The following NRXN1 variants were observed in gnomAD, a reference collection of about 807,000 sequenced individuals.
NRXN1 encodes the protein neurexin 1.
Under a neutral mutation model 150.9 loss-of-function variants are expected in NRXN1, and 39 were observed. That is an observed-to-expected ratio of 0.26 (90% CI 0.20 to 0.34). The LOEUF is 0.34. Ranked by LOEUF, NRXN1 falls within the 10% of genes least tolerant of loss-of-function variation. The pLI is 1.00. For missense variants in NRXN1, 1,815 were observed against 1,949.9 expected (o/e 0.93, Z 1.30); for synonymous variants, 924 against 757.0 (o/e 1.22, Z -3.62).
chr2:50,681,275 T>C (rs576819198), intron 5 of NRXN1, among the ~76,000 whole-genome samples: 1 of 152,318 alleles, frequency 6.6e-6, no homozygotes, highest in South Asian at 2.1e-4. Flanking sequence ...TTTCCAATGT[T>C]TAAGAAGCAC....
rs541094586 is a variant in NRXN1 at position 50,937,873 on chromosome 2, C to A, written c.773-11918G>T. ...GAAATGCATTGTTAGGTGATTTCAT[C>A]CTTGTGCAAGCATAATAGGGTGTAC... On this transcript the variant is annotated intron_variant, in intron 2 of 22. Transcript: ENST00000401669. Among the ~76,000 whole-genome samples the A allele has an allele frequency of 1.4e-4, 22 of 152,196 alleles. 1 individual carries two copies. The South Asian group carries it at 4.6e-3, about 32-fold the overall frequency.
intron 18 of NRXN1, among the ~76,000 whole-genome samples, chr2:50,214,717 T>C (rs865840290): frequency 2.0e-5 from 3 of 151,988 alleles, no homozygotes; most frequent in African/African-American, 7.2e-5. Context: ...TCATAACATA[T>C]CCTACATTTT....
chr2:50,781,690 C>T (rs560406010), intron 5 of NRXN1, among the ~76,000 whole-genome samples: 1 of 152,178 alleles, frequency 6.6e-6, no homozygotes, highest in African/African-American at 2.4e-5. Context: ...AAGCAATTCT[C>T]TACAGAATCT....
chr2:50,114,330 A>G (rs1410096424), intron 18 of NRXN1, among the ~76,000 whole-genome samples: 1 of 152,192 alleles, frequency 6.6e-6, no homozygotes, highest in Non-Finnish European at 1.5e-5. Flanking sequence ...ACCTAGTAGA[A>G]TGGCCAAAAC....
chr2:50,637,876 A>T (rs922567442), intron 5 of NRXN1, among the ~76,000 whole-genome samples: 1 of 137,266 alleles, frequency 7.3e-6, no homozygotes, highest in African/African-American at 3.4e-5. Context: ...TCTAGTATTT[A>T]AAAAAAAAAA....
chr2:49,935,696 C>T (rs1260993009), intron 22 of NRXN1, among the ~76,000 whole-genome samples: 1 of 152,172 alleles, frequency 6.6e-6, no homozygotes, highest in Non-Finnish European at 1.5e-5. Context: ...TCAGAATATG[C>T]TTGCTGGCTT....
intron 5 of NRXN1, among the ~76,000 whole-genome samples, chr2:50,780,374 T>C (rs1704210597): frequency 6.6e-6 from 1 of 152,186 alleles, no homozygotes; most frequent in African/African-American, 2.4e-5. Flanking sequence ...AAATACAACA[T>C]AAAATTTACA....
chr2:50,890,995 G>T (rs183861465), intron 5 of NRXN1, among the ~76,000 whole-genome samples: 1 of 152,070 alleles, frequency 6.6e-6, no homozygotes, highest in East Asian at 1.9e-4. Flanking sequence ...CCTATTTAGT[G>T]AAAACAAAGC....
At chr2:50,335,870 A>T (rs1405770611) in intron 17 of NRXN1, among the ~76,000 whole-genome samples, 2 of 148,810 alleles carry the variant, frequency 1.3e-5, no homozygotes, top group East Asian at 4.0e-4. Flanking sequence ...TCTACCTTAT[A>T]TCTAACCTCA....
At chr2:50,431,219 T>C (rs2084937404) in intron 17 of NRXN1, among the ~76,000 whole-genome samples, 1 of 152,176 alleles carries the variant, frequency 6.6e-6, no homozygotes, top group Non-Finnish European at 1.5e-5. Flanking sequence ...CAGCAATTTT[T>C]CCCAGTTCCC....
chr2:50,579,426 C>T lies in NRXN1; in HGVS notation c.1321-26401G>A, dbSNP rs1364335262. Among the ~76,000 whole-genome samples the T allele has an allele frequency of 3.9e-5, 6 of 152,228 alleles. No individual in the cohort carries two copies. The South Asian group carries it at 6.2e-4, about 16-fold the overall frequency. On this transcript the variant is annotated intron_variant, in intron 8 of 22. Transcript: ENST00000401669. ...CCGTTATCCTGGTACTTCGGAAGGC[C>T]GAGGCAGGAGGATTGCTTGAACCCA...
chr2:50,712,039 C>A (rs904301796), intron 5 of NRXN1, among the ~76,000 whole-genome samples: 5 of 152,086 alleles, frequency 3.3e-5, no homozygotes, highest in Non-Finnish European at 7.4e-5. Context: ...AGACCAGGAT[C>A]CTGACCTACA....
chr2:50,162,374 ACT>A (rs1465822367), intron 18 of NRXN1, among the ~76,000 whole-genome samples: 4 of 152,000 alleles, frequency 2.6e-5, no homozygotes, highest in Non-Finnish European at 5.9e-5. Flanking sequence ...TAAATGTAAA[ACT>A]CTGCCTATAA....
chr2:50,006,222 C>T (rs1323457574), intron 21 of NRXN1, among the ~76,000 whole-genome samples: 3 of 152,086 alleles, frequency 2.0e-5, no homozygotes, highest in Non-Finnish European at 4.4e-5. Flanking sequence ...ACAATATTCC[C>T]ACTTCCATTA....
intron 5 of NRXN1, among the ~76,000 whole-genome samples, chr2:50,744,455 G>GATTACTATAATAATAGTAATAATAA (rs1253934096): frequency 1.3e-5 from 2 of 151,920 alleles, no homozygotes; most frequent in Non-Finnish European, 2.9e-5. Flanking sequence ...TTAATAATCA[G>GATTACTATAATAATAGTAATAATAA]TTACTACTTA....
chr2:50,660,614 G>A (rs951891210), intron 5 of NRXN1, among the ~76,000 whole-genome samples: 6 of 152,030 alleles, frequency 3.9e-5, no homozygotes, highest in Admixed American at 2.6e-4. Context: ...TGTGTAGCTT[G>A]CAGTTAGAAC....
Position 50,876,509 on chromosome 2 carries a change from C to T in NRXN1, c.832+45360G>A, listed in dbSNP as rs533779451. 6.3e-4 allele frequency among the ~76,000 whole-genome samples: 95 copies of T among 151,894 alleles called. No individual in the cohort carries two copies. The South Asian group carries it at 0.018, about 29-fold the overall frequency. Reference sequence around the variant, plus strand: ...AGCGAAGGTGAGTCAAGCCCAGGGCCTGATGTAAAATAAGGACATTCACCT... The same window carrying T: ...AGCGAAGGTGAGTCAAGCCCAGGGCTTGATGTAAAATAAGGACATTCACCT... On this transcript the variant is annotated intron_variant, in intron 5 of 22. Coordinates refer to ENST00000401669, the MANE Select transcript of NRXN1 (RefSeq NM_001330078.2).
At position 50,648,749 on chromosome 2, in the gene NRXN1, C is replaced by T. The variant is rs1443990448; in HGVS notation, c.833-25134G>A. On this transcript the variant is annotated intron_variant, in intron 5 of 22. Transcript: ENST00000401669. ...AATGGATTTGGGTTCAGCAAACAGC[C>T]GGTCATCACTTCTACCCCATGCTTC... Among the ~76,000 whole-genome samples the T allele has an allele frequency of 5.9e-5, 9 of 151,878 alleles. 1 individual carries two copies. Among genetic ancestry groups the T allele is most frequent in the Non-Finnish European group, 8.8e-5 (6 of 67,952 alleles).
chr2:50,004,997 A>G (rs1684528448), intron 21 of NRXN1, among the ~76,000 whole-genome samples: 2 of 152,150 alleles, frequency 1.3e-5, no homozygotes, highest in South Asian at 4.1e-4. Context: ...CCAACAGTTT[A>G]GAAAACAGTG....
Sources: gnomAD v4.1 joint callset for allele counts (sites outside exome capture counted in the v4.1 genomes callset) on GRCh38, gnomAD v4.1.1 for gene constraint, MANE v1.5 for transcripts, NCBI Gene and HGNC (gene_info 2026-07-23, HGNC 2026-07-21) for gene names.